Variants in EML4 observed in about 807,000 individuals in gnomAD.
EML4 encodes the protein EMAP like 4, also known as echinoderm microtubule-associated protein-like 4.
EML4 carries 72 observed loss-of-function variants against 129.0 expected under a neutral mutation model. That is an observed-to-expected ratio of 0.56 (90% CI 0.46 to 0.68). EML4 has a LOEUF of 0.68. Among genes scored for constraint, EML4 ranks in the 30% least tolerant of loss-of-function variants. EML4 has a pLI of 0.00. For missense variants in EML4, 1,363 were observed against 1,190.6 expected, an observed-to-expected ratio of 1.14 and a Z score of -2.13; for synonymous variants, 532 against 405.0, an observed-to-expected ratio of 1.31 and a Z score of -3.77.
In EML4 at chr2:42,169,956, C is replaced by G. The variant is rs1168611048; in HGVS notation, c.25+320C>G. 1.9e-5 allele frequency: 6 copies of G among 308,396 alleles called. No homozygotes were observed. The East Asian group carries it at 3.0e-4, about 16-fold the overall frequency. 19.1% of individuals were successfully genotyped at this position (308,396 alleles called of 1,614,324 possible). ...CACACCCCTCCCCGTACACTCACGGCTCCCTCCACTTACCCCCCTTCAGAG... is the reference window on the plus strand; with the variant it reads ...CACACCCCTCCCCGTACACTCACGGGTCCCTCCACTTACCCCCCTTCAGAG... On this transcript the variant is annotated intron_variant, in intron 1 of 22. Coordinates refer to ENST00000318522, the MANE Select transcript of EML4 (RefSeq NM_019063.5).
Position 42,328,804 on chromosome 2 carries a change from CTAAAA to C in EML4, c.2342-72_2342-68del, listed in dbSNP as rs901717640. 33 of 1,154,710 alleles carry C rather than the reference CTAAAA, an allele frequency of 2.9e-5. No homozygotes were observed. In the African/African-American group the frequency reaches 3.7e-4, roughly 13 times the overall value. 71.5% of individuals were successfully genotyped at this position (1,154,710 alleles called of 1,614,324 possible). A position where few individuals can be genotyped will look rare whatever the true frequency, so the allele number is the denominator to read the frequency against. ...AACATAGATAAAAGCTAAACAGATT[CTAAAA>C]TAAAATAAACATATATAGCATCACA... On this transcript the variant is annotated intron_variant, in intron 21 of 22. Coordinates refer to ENST00000318522, the MANE Select transcript of EML4 (RefSeq NM_019063.5).
intron 21 of EML4, among the ~76,000 whole-genome samples, chr2:42,326,649 A>T (rs932299722): frequency 7.2e-5 from 11 of 152,338 alleles, no homozygotes; most frequent in African/African-American, 2.6e-4. Flanking sequence ...TGGGAGGCCG[A>T]GGTGGGCAAA....
intron 11 of EML4, among the ~76,000 whole-genome samples, chr2:42,292,072 C>T (rs1040809962): frequency 6.6e-6 from 1 of 152,312 alleles, no homozygotes; most frequent in South Asian, 2.1e-4. Context: ...ATTATCTCTT[C>T]AGTTCTTAGG....
chr2:42,323,350 GATTTC>G, intron 19 of EML4, among the ~76,000 whole-genome samples: 1 of 152,214 alleles, frequency 6.6e-6, no homozygotes, highest in East Asian at 1.9e-4. Context: ...TCTGAAAATT[GATTTC>G]TTAAGTTAGT....
chr2:42,213,153 A>G (rs1421589863), intron 1 of EML4, among the ~76,000 whole-genome samples: 1 of 152,230 alleles, frequency 6.6e-6, no homozygotes, highest in Non-Finnish European at 1.5e-5. Context: ...ATTGAAGTCT[A>G]CCTTAACGTA....
intron 3 of EML4, among the ~76,000 whole-genome samples, chr2:42,259,459 C>G (rs1488509697): frequency 6.6e-6 from 1 of 152,060 alleles, no homozygotes; most frequent in African/African-American, 2.4e-5. Context: ...AGAATTTATA[C>G]TTAAATATCT....
chr2:42,284,017 T>C (rs993291612), intron 8 of EML4, among the ~76,000 whole-genome samples: 1 of 152,248 alleles, frequency 6.6e-6, no homozygotes, highest in Non-Finnish European at 1.5e-5. Context: ...TAGTCACTCA[T>C]ATACGTGCTG....
At chr2:42,229,685 G>A (rs1281902514) in intron 1 of EML4, among the ~76,000 whole-genome samples, 3 of 151,986 alleles carry the variant, frequency 2.0e-5, no homozygotes, top group Non-Finnish European at 4.4e-5. Context: ...AGAAATAAAA[G>A]CATTTAGCTC....
intron 8 of EML4, 137 bp from the exon 9 acceptor site, chr2:42,284,493 ATTGT>A (rs1377439245): frequency 4.2e-5 from 21 of 503,938 alleles, no homozygotes; most frequent in East Asian, 2.6e-4. Context: ...ATATTTGATG[ATTGT>A]TTGATTTGCT....
chr2:42,268,629 G>C (rs989962538), intron 6 of EML4, among the ~76,000 whole-genome samples: 15 of 151,946 alleles, frequency 9.9e-5, no homozygotes, highest in African/African-American at 3.6e-4. Context: ...ATAGAGGCAG[G>C]GTGTCACTGT....
At chr2:42,212,353 C>T (rs1261601027) in intron 1 of EML4, among the ~76,000 whole-genome samples, 1 of 152,090 alleles carries the variant, frequency 6.6e-6, no homozygotes, top group Non-Finnish European at 1.5e-5. Context: ...TATTTAATAT[C>T]ACCTTTAATG....
intron 1 of EML4, among the ~76,000 whole-genome samples, chr2:42,236,572 G>C (rs1486629940): frequency 6.6e-6 from 1 of 152,168 alleles, no homozygotes; most frequent in Non-Finnish European, 1.5e-5. Context: ...CATCTGAGTA[G>C]TTTGCTCCAC....
intron 20 of EML4, 92 bp from the exon 21 acceptor site, chr2:42,326,062 C>G: frequency 6.6e-7 from 1 of 1,506,108 alleles, no homozygotes; most frequent in Admixed American, 2.1e-5. Context: ...ATTATAAATA[C>G]AAGTAAACGT....
intron 19 of EML4, among the ~76,000 whole-genome samples, chr2:42,322,109 A>C (rs1200129045): frequency 6.6e-6 from 1 of 152,262 alleles, no homozygotes; most frequent in African/African-American, 2.4e-5. Context: ...AGATAGACTG[A>C]TGGAACAGAA....
intron 1 of EML4, among the ~76,000 whole-genome samples, chr2:42,180,521 T>G (rs1670870851): frequency 6.6e-6 from 1 of 152,234 alleles, no homozygotes; most frequent in Non-Finnish European, 1.5e-5. Flanking sequence ...GCAGCTTGTT[T>G]TAGTCATTTC....
chr2:42,235,823 C>T (rs963495292), intron 1 of EML4, among the ~76,000 whole-genome samples: 3 of 151,956 alleles, frequency 2.0e-5, no homozygotes, highest in Non-Finnish European at 4.4e-5. Context: ...TGCCACAAAA[C>T]CCCAGGGTTC....
Position 42,329,808 on chromosome 2 carries a change from G to A in EML4, c.2547G>A (p.Leu849=). Residue 849 remains leucine, a synonymous_variant, in exon 23 of 23, where the codon CTG becomes CTA. Coordinates refer to ENST00000318522, the MANE Select transcript of EML4 (RefSeq NM_019063.5). ...NVSFTHNDSH[L]ISTGGKDMSI... ...GTTTTACTCACAATGACAGTCACCT[G>A]ATATCAACTGGTGGAAAAGACATGA... 2 of 1,614,100 alleles carry A rather than the reference G, an allele frequency of 1.2e-6. No homozygotes were observed. Among genetic ancestry groups the A allele is most frequent in the Non-Finnish European group, 1.7e-6 (2 of 1,180,028 alleles).
intron 6 of EML4, among the ~76,000 whole-genome samples, chr2:42,273,147 C>G (rs1014886971): frequency 3.3e-5 from 5 of 151,940 alleles, no homozygotes; most frequent in African/African-American, 1.2e-4. Flanking sequence ...AAATGAAAAG[C>G]TTTTTCATTT....
Position 42,284,555 on chromosome 2 carries a change from T to C in EML4, c.942-79T>C. ...TTTTTTAACGATTAAAAACTGCTTA[T>C]TTGAAAAATGTCAGTACAAAGGTAT... On this transcript the variant is annotated intron_variant, in intron 8 of 22. Transcript: ENST00000318522. The C allele has an allele frequency of 6.4e-6, 6 of 934,152 alleles. No homozygotes were observed. The South Asian group carries it at 1.1e-4, about 18-fold the overall frequency. The allele number at this position is 934,152 out of a possible 1,614,324, so 57.9% of individuals were successfully genotyped here.
Sources: allele counts gnomAD v4.1 joint callset (sites outside exome capture counted in the v4.1 genomes callset), GRCh38; gene constraint gnomAD v4.1.1; transcripts MANE v1.5; gene names NCBI Gene and HGNC (gene_info 2026-07-23, HGNC 2026-07-21).